The following PSAP variants were observed in gnomAD, a reference collection of about 807,000 sequenced individuals.
The protein encoded by PSAP is precursor of saposins.
PSAP carries 25 observed loss-of-function variants against 66.0 expected under a neutral mutation model. The observed-to-expected ratio is 0.38, with a 90% CI of 0.28 to 0.53. The LOEUF is 0.53. Among genes scored for constraint, PSAP ranks in the 20% least tolerant of loss-of-function variants. PSAP has a pLI of 0.83. For synonymous variants in PSAP, 273 were observed against 258.9 expected (o/e 1.05, Z -0.52); for missense variants, 649 against 668.8 (o/e 0.97, Z 0.33).
At chr10:71,828,817 T>C in intron 5 of PSAP, 60 bp downstream of exon 5, 2 of 1,586,672 alleles carry the variant, frequency 1.3e-6, no homozygotes, top group East Asian at 2.2e-5. Context: ...TCTGTCCCTT[T>C]GGTCTCTCAT....
Position 71,818,743 on chromosome 10 carries a change from AAAG to A in PSAP, c.1432-22_1432-20del. On this transcript the variant is annotated intron_variant, in intron 12 of 13. Coordinates refer to ENST00000394936, the MANE Select transcript of PSAP (RefSeq NM_002778.4). ...CAATTTTCTATATGGTGAGAAAAGG[AAAG>A]AAGAAAGGGGGAGAATGAGAGCTGC... 1 of 1,593,656 alleles carries A rather than the reference AAAG, an allele frequency of 6.3e-7. No homozygotes were observed. Among genetic ancestry groups the A allele is most frequent in the South Asian group, 1.1e-5 (1 of 90,688 alleles).
At chr10:71,819,370 G>A (rs1842244771) in intron 11 of PSAP, 95 bp downstream of exon 11, 1 of 1,556,340 alleles carries the variant, frequency 6.4e-7, no homozygotes, top group Non-Finnish European at 8.8e-7. Flanking sequence ...CCCGGAGGCA[G>A]AAACAGCTGG....
chr10:71,839,276 G>C (rs1233453134), intron 1 of PSAP, among the ~76,000 whole-genome samples: 1 of 151,836 alleles, frequency 6.6e-6, no homozygotes, highest in Admixed American at 6.6e-5. Context: ...TCTTGCTCTT[G>C]TCGCCCAGGC....
At chr10:71,820,636 G>C (rs1217073048) in intron 8 of PSAP, among the ~76,000 whole-genome samples, 1 of 150,146 alleles carries the variant, frequency 6.7e-6, no homozygotes, top group African/African-American at 2.4e-5. Flanking sequence ...CTGTCCTGAT[G>C]ATGTGTTCGG....
chr10:71,832,280 G>C (rs1842535538), intron 2 of PSAP, among the ~76,000 whole-genome samples: 1 of 152,110 alleles, frequency 6.6e-6, no homozygotes, highest in Admixed American at 6.5e-5. Flanking sequence ...GGGTGGGACA[G>C]AGAAACAAAC....
At chr10:71,838,408 C>T (rs973505778) in intron 1 of PSAP, among the ~76,000 whole-genome samples, 6 of 145,040 alleles carry the variant, frequency 4.1e-5, no homozygotes, top group African/African-American at 1.0e-4. Context: ...GGATGAGTGA[C>T]GGGAGAAGGA....
chr10:71,837,640 G>A (rs561816508), intron 1 of PSAP, among the ~76,000 whole-genome samples: 3 of 152,336 alleles, frequency 2.0e-5, no homozygotes, highest in Non-Finnish European at 4.4e-5. Flanking sequence ...GAACAGTCAC[G>A]ATTTTCTTTA....
At chr10:71,817,959 T>C (rs956821540) in intron 13 of PSAP, among the ~76,000 whole-genome samples, 2 of 152,172 alleles carry the variant, frequency 1.3e-5, no homozygotes, top group African/African-American at 4.8e-5. Context: ...GAGCTGGACA[T>C]GGCCAGAATG....
At chr10:71,840,508 G>A (rs748634268) in intron 1 of PSAP, among the ~76,000 whole-genome samples, 3 of 152,184 alleles carry the variant, frequency 2.0e-5, no homozygotes, top group Admixed American at 6.5e-5. Context: ...CCTGCCTTTG[G>A]AAAACAGTCT....
chr10:71,833,016 C>CAAAAAAAAAA lies in PSAP; in HGVS notation c.175-1106_175-1097dup, dbSNP rs781415981. ...TAGGCAACAGAGTGAGAGTCCATCT[C>CAAAAAAAAAA]AAAAAAAAAAAAAAACAAAAAACAA... On this transcript the variant is annotated intron_variant, in intron 2 of 13. Coordinates refer to ENST00000394936, the MANE Select transcript of PSAP (RefSeq NM_002778.4). Among the ~76,000 whole-genome samples the CAAAAAAAAAA allele has an allele frequency of 6.5e-3, 328 of 50,600 alleles. 38 individuals carry two copies. Among genetic ancestry groups the CAAAAAAAAAA allele is most frequent in the Middle Eastern group, 0.015 (1 of 68 alleles). The allele number at this position is 50,600 out of a possible 152,430, so 33.2% of individuals were successfully genotyped here.
At position 71,821,957 on chromosome 10, in the gene PSAP, C is replaced by G; in HGVS notation, c.828G>C (p.Glu276Asp). The G allele has an allele frequency of 6.2e-7, 1 of 1,614,204 alleles. No individual in the cohort carries two copies. Among genetic ancestry groups the G allele is most frequent in the Middle Eastern group, 1.6e-4 (1 of 6,062 alleles). The change falls in exon 8 of 14, where the codon GAG (glutamate) becomes GAC (aspartate). Residue 276 changes from glutamate (E) to aspartate (D), a missense_variant. Physicochemically the swap from Glu to Asp is conservative, Grantham distance 45. Transcript: ENST00000394936. The stretch of plus-strand genomic sequence containing the variant: ...CGGGGACCAGAGTCTGCATGGGCAT[C>G]TCTTTCACCTCATCACAGAACCCAA... ...ALVGFCDEVKEMPMQTLVPAK... is the reference protein window; with the variant it reads ...ALVGFCDEVKDMPMQTLVPAK...
In PSAP at chr10:71,817,010, C is replaced by T. The variant is rs1041698712; in HGVS notation, c.*431G>A. On this transcript the variant is annotated 3_prime_UTR_variant, in exon 14 of 14. Coordinates refer to ENST00000394936, the MANE Select transcript of PSAP (RefSeq NM_002778.4). ...TGTTCAACTGAGAGGCCCAGGAAAG[C>T]GGGGAGGGTCCCTGATCAGGGCAGG... 6.5e-5 allele frequency: 16 copies of T among 246,022 alleles called. No homozygotes were observed. In the East Asian group the frequency reaches 1.1e-3, roughly 17 times the overall value. The allele number at this position is 246,022 out of a possible 1,614,324, so 15.2% of individuals were successfully genotyped here.
At chr10:71,842,059 G>A (rs1842742096) in intron 1 of PSAP, among the ~76,000 whole-genome samples, 1 of 151,790 alleles carries the variant, frequency 6.6e-6, no homozygotes, top group East Asian at 1.9e-4. Context: ...TATAATTTCT[G>A]TAGTTTCTGC....
At chr10:71,850,830 A>G (rs1842913882) in intron 1 of PSAP, among the ~76,000 whole-genome samples, 1 of 152,222 alleles carries the variant, frequency 6.6e-6, no homozygotes. Context: ...CACAGGCACA[A>G]CACAGCTGCC....
chr10:71,818,102 C>G (rs1842212103), intron 13 of PSAP, among the ~76,000 whole-genome samples: 1 of 152,248 alleles, frequency 6.6e-6, no homozygotes, highest in Non-Finnish European at 1.5e-5. Flanking sequence ...CAAACATCCC[C>G]ACCCAGGGAA....
At chr10:71,829,714 G>A (rs752732282) in intron 4 of PSAP, among the ~76,000 whole-genome samples, 10 of 152,118 alleles carry the variant, frequency 6.6e-5, no homozygotes, top group Non-Finnish European at 1.3e-4. Flanking sequence ...TAAAGGAACA[G>A]GAGGCCAGGC....
Position 71,851,184 on chromosome 10 carries a change from G to C in PSAP, c.38C>G (p.Ala13Gly). 1 of 1,551,074 alleles carries C rather than the reference G, an allele frequency of 6.4e-7. No individual in the cohort carries two copies. The highest frequency in any genetic ancestry group is 8.7e-7 in the Non-Finnish European group (1 of 1,146,828). ...ALFLLASLLG[A>G]ALAGPVLGLK... Reference sequence around the variant, plus strand: ...AGGATGAGGGTCCCAGGGCTTACCCGCGCCCAGGAGGCTGGCCAGGAGGAA... The same window carrying C: ...AGGATGAGGGTCCCAGGGCTTACCCCCGCCCAGGAGGCTGGCCAGGAGGAA... Residue 13 changes from alanine (A) to glycine (G), a missense_variant and splice_region_variant, in exon 1 of 14, where the codon GCG becomes GGG. By Grantham distance (60) the Ala-to-Gly change is moderately conservative. Coordinates refer to ENST00000394936, the MANE Select transcript of PSAP (RefSeq NM_002778.4).
At chr10:71,849,881 T>C (rs1251737528) in intron 1 of PSAP, among the ~76,000 whole-genome samples, 1 of 152,114 alleles carries the variant, frequency 6.6e-6, no homozygotes, top group Non-Finnish European at 1.5e-5. Flanking sequence ...CTATATCGCC[T>C]TCAATACCTA....
At chr10:71,849,771 T>C (rs34332602) in intron 1 of PSAP, among the ~76,000 whole-genome samples, 2,904 of 152,186 alleles carry the variant, frequency 0.019, 36 homozygotes, top group Non-Finnish European at 0.028. Context: ...GGTGTCCCAA[T>C]GTGCTGGGAT....
Sources: gnomAD v4.1 joint callset for allele counts (sites outside exome capture counted in the v4.1 genomes callset) on GRCh38, gnomAD v4.1.1 for gene constraint, MANE v1.5 for transcripts, NCBI Gene and HGNC (gene_info 2026-07-23, HGNC 2026-07-21) for gene names.